Variants in CFAP77 observed in about 807,000 individuals in gnomAD.
CFAP77 encodes cilia- and flagella-associated protein 77.
A neutral mutation model predicts 31.1 loss-of-function variants in CFAP77; 25 were observed. The observed-to-expected ratio is 0.80, with a 90% confidence interval of 0.59 to 1.12. The LOEUF (loss-of-function observed/expected upper bound fraction) is 1.12, where lower values mean the gene tolerates loss of function less well. Among genes scored for constraint, CFAP77 ranks in the 50% most tolerant of loss-of-function variants. CFAP77 has a pLI of 0.00. For missense variants in CFAP77, 377 were observed against 397.3 expected, an observed-to-expected ratio of 0.95 and a Z score of 0.44; for synonymous variants, 151 against 159.9, an observed-to-expected ratio of 0.94 and a Z score of 0.42.
chr9:132,417,758 C>T (rs150859452), intron 1 of CFAP77, among the ~76,000 whole-genome samples: 47 of 152,324 alleles, frequency 3.1e-4, no homozygotes, highest in African/African-American at 1.1e-3. Flanking sequence ...TCCATTATCC[C>T]GAGTCCAAAT....
chr9:132,459,163 C>G (rs1225411886), intron 1 of CFAP77, among the ~76,000 whole-genome samples: 2 of 151,944 alleles, frequency 1.3e-5, no homozygotes, highest in Admixed American at 1.3e-4. Flanking sequence ...GCTCCGCCTC[C>G]CAGGTTCATG....
intron 1 of CFAP77, among the ~76,000 whole-genome samples, chr9:132,486,028 A>G (rs1176871363): frequency 0.01 from 246 of 24,124 alleles, 34 homozygotes; most frequent in African/African-American, 0.065. Flanking sequence ...ATATATATAT[A>G]TATATATATA....
intron 3 of CFAP77, among the ~76,000 whole-genome samples, chr9:132,525,711 T>C (rs1026229615): frequency 2.0e-5 from 3 of 152,248 alleles, no homozygotes; most frequent in African/African-American, 4.8e-5. Context: ...ACAAAACTGT[T>C]CTGTCATCCA....
intron 3 of CFAP77, among the ~76,000 whole-genome samples, chr9:132,505,138 A>G (rs1291719836): frequency 6.6e-6 from 1 of 152,222 alleles, no homozygotes; most frequent in Non-Finnish European, 1.5e-5. Flanking sequence ...CTAGGATGCT[A>G]ATGAGCAGAG....
At chr9:132,493,656 AC>A (rs905816263) in intron 1 of CFAP77, among the ~76,000 whole-genome samples, 7 of 152,110 alleles carry the variant, frequency 4.6e-5, no homozygotes, top group African/African-American at 1.7e-4. Context: ...CACTGCCCCC[AC>A]CCAGGGGTCC....
chr9:132,547,574 A>G (rs1003960122), intron 5 of CFAP77, among the ~76,000 whole-genome samples: 6 of 152,136 alleles, frequency 3.9e-5, no homozygotes, highest in African/African-American at 9.7e-5. Context: ...TGTGACTGCC[A>G]CCGTTGGGCT....
rs1385193602 is a variant in CFAP77 at position 132,524,850 on chromosome 9, G to T, written c.525-12751G>T. ...TTTTTAGTAGAGACGGGGTTTCACA[G>T]TGTTAGCTACGATGGTCTCGATCTC... On this transcript the variant is annotated intron_variant, in intron 3 of 5. Transcript: ENST00000393216. Among the ~76,000 whole-genome samples the T allele has an allele frequency of 4.2e-5, 6 of 144,356 alleles. 1 individual carries two copies. The East Asian group carries it at 1.3e-3, about 31-fold the overall frequency. 94.7% of individuals were successfully genotyped at this position (144,356 alleles called of 152,430 possible). A position where few individuals can be genotyped will look rare whatever the true frequency, so the allele number is the denominator to read the frequency against.
chr9:132,474,585 G>T (rs892838257), intron 1 of CFAP77, among the ~76,000 whole-genome samples: 1 of 152,128 alleles, frequency 6.6e-6, no homozygotes, highest in Non-Finnish European at 1.5e-5. Flanking sequence ...AGGACCAGGG[G>T]GGGAATGCAC....
At chr9:132,506,533 T>C (rs1048303243) in intron 3 of CFAP77, among the ~76,000 whole-genome samples, 4 of 151,612 alleles carry the variant, frequency 2.6e-5, no homozygotes, top group Admixed American at 2.0e-4. Context: ...GCTGTTCTGC[T>C]TGGGAGCCTG....
intron 1 of CFAP77, among the ~76,000 whole-genome samples, chr9:132,482,700 C>T (rs1233931314): frequency 1.3e-5 from 2 of 149,938 alleles, no homozygotes; most frequent in Admixed American, 6.7e-5. Context: ...ATCGAGTGGG[C>T]GCTGGCAAGG....
At chr9:132,438,213 A>G (rs969241814) in intron 1 of CFAP77, among the ~76,000 whole-genome samples, 9 of 150,556 alleles carry the variant, frequency 6.0e-5, no homozygotes, top group African/African-American at 1.7e-4. Context: ...AAAAAAAAAA[A>G]AAAAAAAAGA....
chr9:132,567,397 C>T (rs1337256295), intron 5 of CFAP77, among the ~76,000 whole-genome samples: 2 of 152,130 alleles, frequency 1.3e-5, no homozygotes, highest in East Asian at 1.9e-4. Flanking sequence ...AAGTAAACGG[C>T]GACTGCGAAA....
intron 1 of CFAP77, among the ~76,000 whole-genome samples, chr9:132,471,085 GC>G (rs1192221575): frequency 1.3e-5 from 2 of 152,274 alleles, no homozygotes; most frequent in East Asian, 3.9e-4. Flanking sequence ...AGGACGGTGG[GC>G]CCAGGGCACT....
At chr9:132,559,084 C>T (rs1006115693) in intron 5 of CFAP77, among the ~76,000 whole-genome samples, 36 of 151,466 alleles carry the variant, frequency 2.4e-4, no homozygotes, top group Admixed American at 6.6e-4. Flanking sequence ...CAGTGGCTCA[C>T]GCCTGTAATC....
At chr9:132,548,100 C>G (rs1251661384) in intron 5 of CFAP77, among the ~76,000 whole-genome samples, 2 of 152,184 alleles carry the variant, frequency 1.3e-5, no homozygotes, top group Non-Finnish European at 2.9e-5. Flanking sequence ...ACCTTGAAAA[C>G]CACGGCTTTG....
intron 1 of CFAP77, among the ~76,000 whole-genome samples, chr9:132,430,687 C>T (rs1356390782): frequency 2.0e-5 from 3 of 152,138 alleles, no homozygotes; most frequent in Non-Finnish European, 2.9e-5. Context: ...AAGGAAGAAG[C>T]AGCACTTCAA....
At chr9:132,541,801 AAG>A (rs1249856485) in intron 4 of CFAP77, among the ~76,000 whole-genome samples, 1 of 152,162 alleles carries the variant, frequency 6.6e-6, no homozygotes, top group African/African-American at 2.4e-5. Context: ...AAATCAGTAA[AAG>A]GGGTTTACTG....
At position 132,552,262 on chromosome 9, in the gene CFAP77, G is replaced by A. The variant is rs1008786565; in HGVS notation, c.732+9215G>A. ...CCAAGTGCAATCATGCGTGTGAAGC[G>A]CGTGGCACAGGCCTGGCTAGGGGAC... is the stretch of plus-strand genomic sequence containing the variant. On this transcript the variant is annotated intron_variant, in intron 5 of 5. Coordinates refer to ENST00000393216, the MANE Select transcript of CFAP77 (RefSeq NM_001282957.2). This position sits in a 1 kb window ranked among gnomAD's most constrained non-coding sequence, Gnocchi z 5.5. Among the ~76,000 whole-genome samples the A allele has an allele frequency of 2.0e-5, 3 of 152,236 alleles. No homozygotes were observed. Among genetic ancestry groups the A allele is most frequent in the Non-Finnish European group, 2.9e-5 (2 of 68,044 alleles).
intron 3 of CFAP77, among the ~76,000 whole-genome samples, chr9:132,500,795 C>T (rs1385877086): frequency 6.6e-6 from 1 of 152,190 alleles, no homozygotes; most frequent in Non-Finnish European, 1.5e-5. Flanking sequence ...CCATTGTCAA[C>T]AAGGGCACGA....
Sources: allele counts gnomAD v4.1 joint callset (sites outside exome capture counted in the v4.1 genomes callset), GRCh38; gene constraint gnomAD v4.1.1; non-coding constraint Gnocchi (gnomAD v3.1); transcripts MANE v1.5; gene names NCBI Gene and HGNC (gene_info 2026-07-23, HGNC 2026-07-21).